The following TMEM131 variants were observed in gnomAD, a reference collection of about 807,000 sequenced individuals.
The protein encoded by TMEM131 is transmembrane protein 131.
Under a neutral mutation model 211.6 loss-of-function variants are expected in TMEM131, and 66 were observed. That is an observed-to-expected ratio of 0.31 (90% CI 0.26 to 0.38). The LOEUF (loss-of-function observed/expected upper bound fraction) is 0.38. TMEM131 is among the 10% of genes least tolerant of loss of function. The pLI, the probability that TMEM131 is intolerant of heterozygous loss-of-function variation, is 1.00. For missense variants in TMEM131, 2,036 were observed against 2,299.3 expected (o/e 0.89, Z 2.34); for synonymous variants, 844 against 841.3 (o/e 1.00, Z -0.06).
At chr2:97,821,851 G>C (rs1182803690) in intron 11 of TMEM131, among the ~76,000 whole-genome samples, 1 of 152,192 alleles carries the variant, frequency 6.6e-6, no homozygotes, top group African/African-American at 2.4e-5. Flanking sequence ...CAACTCTTCA[G>C]AGTTGGGAGC....
chr2:97,785,958 C>T (rs769489937), intron 31 of TMEM131, among the ~76,000 whole-genome samples: 5 of 152,246 alleles, frequency 3.3e-5, no homozygotes, highest in African/African-American at 9.6e-5. Flanking sequence ...TCCATTTCTA[C>T]AATTTTGTCA....
At chr2:97,851,580 A>T (rs1160515646) in intron 5 of TMEM131, among the ~76,000 whole-genome samples, 1 of 152,114 alleles carries the variant, frequency 6.6e-6, no homozygotes, top group Non-Finnish European at 1.5e-5. Flanking sequence ...TTTTTCCAAC[A>T]CCATGTACTC....
rs765270542 is a variant in TMEM131, at chr2:97,837,171, G to A, written c.724-14C>T. 7.0e-6 allele frequency: 11 copies of A among 1,570,616 alleles called. No individual in the cohort carries two copies. The East Asian group carries it at 1.1e-4, about 16-fold the overall frequency. ...CATTTCTACAACCTGGGGCAAAAGA[G>A]CACATGATGGCTACGTTCAAAGTCA... On this transcript the variant is annotated splice_polypyrimidine_tract_variant and intron_variant, in intron 7 of 40. Coordinates refer to ENST00000186436, the MANE Select transcript of TMEM131 (RefSeq NM_015348.2).
At chr2:97,965,190 G>A (rs112878299) in intron 1 of TMEM131, among the ~76,000 whole-genome samples, 12 of 152,140 alleles carry the variant, frequency 7.9e-5, no homozygotes, top group African/African-American at 1.7e-4. Context: ...ATCTTAAGCC[G>A]TTTAGACACA....
intron 4 of TMEM131, among the ~76,000 whole-genome samples, chr2:97,874,764 A>G (rs1674625085): frequency 6.6e-6 from 1 of 152,236 alleles, no homozygotes; most frequent in Non-Finnish European, 1.5e-5. Flanking sequence ...CATCCACTGT[A>G]AAAATATACT....
chr2:97,802,316 C>T (rs1681071245), intron 24 of TMEM131, 112 bp downstream of exon 24: 1 of 846,614 alleles, frequency 1.2e-6, no homozygotes, highest in African/African-American at 1.7e-5. Context: ...AGATCCAGAA[C>T]TTCTCGTCAA....
intron 3 of TMEM131, among the ~76,000 whole-genome samples, chr2:97,898,688 A>T (rs1469646174): frequency 1.3e-5 from 2 of 152,156 alleles, no homozygotes; most frequent in Non-Finnish European, 2.9e-5. Flanking sequence ...TGTTTAAGCC[A>T]CCCAGTTTAT....
intron 1 of TMEM131, among the ~76,000 whole-genome samples, chr2:97,985,256 G>A (rs1314051916): frequency 1.3e-5 from 2 of 151,872 alleles, no homozygotes; most frequent in African/African-American, 4.8e-5. Context: ...TCTAGCCAAA[G>A]CAATAATGCA....
chr2:97,896,029 T>G (rs1675597670), intron 3 of TMEM131, among the ~76,000 whole-genome samples: 1 of 152,228 alleles, frequency 6.6e-6, no homozygotes, highest in Admixed American at 6.5e-5. Flanking sequence ...CTCTGCACAT[T>G]GCTTTAAATG....
intron 3 of TMEM131, among the ~76,000 whole-genome samples, chr2:97,893,703 T>G (rs142595517): frequency 0.34 from 50,824 of 151,508 alleles, 9,345 homozygotes; most frequent in Non-Finnish European, 0.39. Context: ...TTGAGAAGTG[T>G]CTGTTCATAT....
Position 97,792,805 on chromosome 2 carries a change from C to T in TMEM131, c.3725G>A (p.Ser1242Asn), listed in dbSNP as rs1245960070. ...VENVRAKNSS[S>N]TSSRTSAQAA... is the part of the protein sequence containing the mutation. Reference sequence around the variant, plus strand: ...TTGAGCAGAAGTCCTACTAGAGGTACTTGAACTGTTTTTGGCTCTGACGTT... The same window carrying T: ...TTGAGCAGAAGTCCTACTAGAGGTATTTGAACTGTTTTTGGCTCTGACGTT... The change falls in exon 31 of 41, where the codon AGT becomes AAT. Residue 1242 changes from serine to asparagine, a missense_variant. Coordinates refer to ENST00000186436, the MANE Select transcript of TMEM131 (RefSeq NM_015348.2). The T allele has an allele frequency of 1.9e-6, 3 of 1,614,006 alleles. No individual in the cohort carries two copies. The highest frequency in any genetic ancestry group is 2.5e-6 in the Non-Finnish European group (3 of 1,179,888).
intron 31 of TMEM131, among the ~76,000 whole-genome samples, chr2:97,777,616 G>A (rs1679801262): frequency 6.6e-6 from 1 of 152,188 alleles, no homozygotes; most frequent in African/African-American, 2.4e-5. Flanking sequence ...TAAGTAAATC[G>A]CTTAGTGATT....
chr2:97,782,072 A>T (rs1418646665), intron 31 of TMEM131, among the ~76,000 whole-genome samples: 1 of 152,238 alleles, frequency 6.6e-6, no homozygotes, highest in African/African-American at 2.4e-5. Flanking sequence ...CTTTCATTCC[A>T]GACAGTCAGT....
chr2:97,864,875 C>T (rs1674211873), intron 4 of TMEM131, among the ~76,000 whole-genome samples: 1 of 152,162 alleles, frequency 6.6e-6, no homozygotes, highest in African/African-American at 2.4e-5. Context: ...GATCCTTCAA[C>T]CTAGAATAGA....
rs572623034 is a variant in TMEM131, at chr2:97,761,880, T to C, written c.4889+155A>G. ...TGGGCACAGCAGCAGGAAGCGGGGG[T>C]GGACCCCAGGTAAAAGGGTCCACAC... On this transcript the variant is annotated intron_variant, in intron 36 of 40. Coordinates refer to ENST00000186436, the MANE Select transcript of TMEM131 (RefSeq NM_015348.2). 3.9e-6 allele frequency: 3 copies of C among 766,290 alleles called. No individual in the cohort carries two copies. The South Asian group carries it at 7.1e-5, about 18-fold the overall frequency. 47.5% of individuals were successfully genotyped at this position (766,290 alleles called of 1,614,324 possible).
intron 1 of TMEM131, among the ~76,000 whole-genome samples, 172 bp downstream of exon 1, chr2:97,995,304 G>A (rs1346825972): frequency 6.6e-6 from 1 of 152,212 alleles, no homozygotes; most frequent in East Asian, 1.9e-4. Context: ...CACGGAGAGC[G>A]AAGGCCACTC....
At chr2:97,959,544 T>C (rs771760877) in intron 1 of TMEM131, among the ~76,000 whole-genome samples, 4 of 147,434 alleles carry the variant, frequency 2.7e-5, no homozygotes, top group South Asian at 2.1e-4. Context: ...GAGAAAAAAA[T>C]ATATATATGT....
chr2:97,822,392 GA>G (rs1682167116), intron 11 of TMEM131, among the ~76,000 whole-genome samples: 1 of 152,180 alleles, frequency 6.6e-6, no homozygotes, highest in Non-Finnish European at 1.5e-5. Flanking sequence ...GAGAAGTGAG[GA>G]TAAAAGGCGT....
At chr2:97,906,826 T>C (rs1342722925) in intron 3 of TMEM131, among the ~76,000 whole-genome samples, 1 of 152,176 alleles carries the variant, frequency 6.6e-6, no homozygotes, top group African/African-American at 2.4e-5. Context: ...TGCTGTCCCC[T>C]GCCTGAATTT....
Sources: allele counts gnomAD v4.1 joint callset (sites outside exome capture counted in the v4.1 genomes callset), GRCh38; gene constraint gnomAD v4.1.1; transcripts MANE v1.5; gene names NCBI Gene and HGNC (gene_info 2026-07-23, HGNC 2026-07-21).